The following RNF31 variants were observed in gnomAD, a reference collection of about 807,000 sequenced individuals.
RNF31 encodes ring finger protein 31, also known as E3 ubiquitin-protein ligase RNF31.
In RNF31, 38 loss-of-function variants were observed where a neutral mutation model predicts 133.6. The observed-to-expected ratio is 0.28, with a 90% CI of 0.22 to 0.37. The LOEUF is 0.37. RNF31 is among the 10% of genes least tolerant of loss of function. RNF31 has a pLI of 1.00. For synonymous variants in RNF31, 582 were observed against 552.3 expected (o/e 1.05, Z -0.75); for missense variants, 1,118 against 1,394.1 (o/e 0.80, Z 3.15).
Position 24,151,781 on chromosome 14 carries a change from T to A in RNF31, c.1924-5T>A. 6.2e-7 allele frequency: 1 copy of A among 1,606,992 alleles called. No homozygotes were observed. On this transcript the variant is annotated splice_polypyrimidine_tract_variant and splice_region_variant and intron_variant, in intron 10 of 20. Coordinates refer to ENST00000324103, the MANE Select transcript of RNF31 (RefSeq NM_017999.5). This position sits in a 1 kb window ranked among gnomAD's most constrained non-coding sequence, Gnocchi z 5.3. The stretch of plus-strand genomic sequence containing the variant: ...CTTCCCCCCTCCACCTGAATCATAT[T>A]GCAGAGCCTGGTCAGGCGGCTTTTG...
intron 14 of RNF31, among the ~76,000 whole-genome samples, chr14:24,156,771 T>A (rs1273691352): frequency 3.3e-5 from 5 of 149,410 alleles, no homozygotes; most frequent in Admixed American, 1.3e-4. Flanking sequence ...AGAGCGAGAC[T>A]CCATCTCAAA....
rs772542736 is a variant in RNF31 at position 24,151,400 on chromosome 14, G to A, written c.1737+21G>A. ...GGAAGGTATCAGCTGTGCTGGATAT[G>A]GGATAGGGTCGAGAGTCTGCATCTC... On this transcript the variant is annotated intron_variant, in intron 9 of 20. Coordinates refer to ENST00000324103, the MANE Select transcript of RNF31 (RefSeq NM_017999.5). This position sits in a 1 kb window ranked among gnomAD's most constrained non-coding sequence, Gnocchi z 5.3. 6.8e-6 allele frequency: 11 copies of A among 1,613,924 alleles called. No homozygotes were observed. The Admixed American group carries it at 1.8e-4, about 27-fold the overall frequency.
intron 17 of RNF31, 37 bp downstream of exon 17, chr14:24,158,048 G>T (rs2038373064): frequency 1.2e-6 from 2 of 1,610,588 alleles, no homozygotes; most frequent in East Asian, 4.5e-5. Context: ...ACAGGGCCCA[G>T]GGTGGGCAAG....
rs137991798 is a variant in RNF31, at chr14:24,159,162, A to G, written c.2900-702A>G. ...GAGTTCGTGACCAACCTGGCCAACAAGGTGAAACCCTGTCTCTACTAAAAA... is the reference window on the plus strand; with the variant it reads ...GAGTTCGTGACCAACCTGGCCAACAGGGTGAAACCCTGTCTCTACTAAAAA... On this transcript the variant is annotated intron_variant, in intron 18 of 20. Coordinates refer to ENST00000324103, the MANE Select transcript of RNF31 (RefSeq NM_017999.5). Among the ~76,000 whole-genome samples the G allele has an allele frequency of 4.2e-3, 631 of 151,314 alleles. 1 individual carries two copies. Among genetic ancestry groups the G allele is most frequent in the African/African-American group, 0.012 (504 of 41,170 alleles).
At position 24,149,560 on chromosome 14, in the gene RNF31, G is replaced by A. The variant is rs1243190256; in HGVS notation, c.786G>A (p.Leu262=). The A allele has an allele frequency of 6.2e-7, 1 of 1,614,016 alleles. No homozygotes were observed. The highest frequency in any genetic ancestry group is 1.1e-5 in the South Asian group (1 of 91,060). The change falls in exon 6 of 21, where the codon CTG becomes CTA. Residue 262 remains leucine (L), a synonymous_variant. Coordinates refer to ENST00000324103, the MANE Select transcript of RNF31 (RefSeq NM_017999.5). The stretch of plus-strand genomic sequence containing the variant: ...TCCGCCAGACCCTGCCTGGGGTCCT[G>A]CAGGGTACCCACCTGAGCCCCAGGT... ...HHLRQTLPGV[L]QGTHLSPSLP...
rs1460301138 is a variant in RNF31, at chr14:24,147,522, C to G, written c.-177C>G. The G allele has an allele frequency of 2.0e-6, 1 of 494,814 alleles. No individual in the cohort carries two copies. The highest frequency in any genetic ancestry group is 4.4e-5 in the Admixed American group (1 of 22,854). The allele number at this position is 494,814 out of a possible 1,614,324, so 30.7% of individuals were successfully genotyped here. A position where few individuals can be genotyped will look rare whatever the true frequency, so the allele number is the denominator to read the frequency against. On this transcript the variant is annotated 5_prime_UTR_variant, in exon 1 of 21. Coordinates refer to ENST00000324103, the MANE Select transcript of RNF31 (RefSeq NM_017999.5). ...CCTAGTACTTCCTGTTCTCGGCTAA[C>G]CCTGGCGCTGGGCCGGGGGCTGGAG... is the stretch of plus-strand genomic sequence containing the variant.
intron 7 of RNF31, 58 bp downstream of exon 7, chr14:24,150,506 C>T: frequency 6.3e-7 from 1 of 1,576,550 alleles, no homozygotes; most frequent in South Asian, 1.2e-5. Context: ...CTTCCCTATC[C>T]CATGTTTTCC....
At chr14:24,159,216 A>G (rs541911616) in intron 18 of RNF31, among the ~76,000 whole-genome samples, 223 of 147,318 alleles carry the variant, frequency 1.5e-3, no homozygotes, top group African/African-American at 5.2e-3. Context: ...GTGTGGTGGC[A>G]GGCACCTGTA....
intron 14 of RNF31, among the ~76,000 whole-genome samples, chr14:24,156,581 A>G (rs1397214199): frequency 6.6e-6 from 1 of 152,086 alleles, no homozygotes; most frequent in Non-Finnish European, 1.5e-5. Context: ...GGAGTTCAAG[A>G]CCAGCCTCCC....
rs200318503 is a variant in RNF31, at chr14:24,155,631, A to C, written c.2432A>C (p.Glu811Ala). ...QCSFGFIYEREQLEATCPQCH... is the reference protein window; with the variant it reads ...QCSFGFIYERAQLEATCPQCH... ...TCCTTTGGCTTCATATATGAGCGTG[A>C]GCAGCTGGAGGCAACTTGTCCCCAG... Residue 811 changes from glutamate (E) to alanine (A), a missense_variant, in exon 14 of 21, where the codon GAG becomes GCG. Around this residue, in one of 3 missense-constraint regions of RNF31, gnomAD observed 201 missense variants for 371.7 expected, o/e 0.54. Transcript: ENST00000324103. The surrounding 1 kb of genome is among the most constrained non-coding windows in gnomAD (Gnocchi z 4.9). 1.1e-4 allele frequency: 172 copies of C among 1,614,094 alleles called. No homozygotes were observed. Among genetic ancestry groups the C allele is most frequent in the Admixed American group, 1.7e-4 (10 of 60,002 alleles).
At position 24,148,676 on chromosome 14, in the gene RNF31, T is replaced by C. The variant is rs773747669; in HGVS notation, c.530T>C (p.Leu177Pro). The change falls in exon 4 of 21, where the codon CTG becomes CCG. Residue 177 changes from leucine to proline, a missense_variant. Physicochemically the swap from Leu to Pro is moderately conservative, Grantham distance 98. Around this residue, in one of 3 missense-constraint regions of RNF31, gnomAD observed 747 missense variants for 827.9 expected, o/e 0.90. Transcript: ENST00000324103. ...THPRQQALEQ[L>P]LEDKVEDDML... ...CCAAGACAGCAGGCACTGGAGCAGC[T>C]GTTGGAAGACAAGGTTGAAGATGAT... The C allele has an allele frequency of 6.2e-7, 1 of 1,614,200 alleles. No homozygotes were observed. The highest frequency in any genetic ancestry group is 8.5e-7 in the Non-Finnish European group (1 of 1,180,042).
At chr14:24,150,911 G>A (rs1226030199) in intron 8 of RNF31, 23 bp downstream of exon 8, 2 of 1,540,268 alleles carry the variant, frequency 1.3e-6, no homozygotes, top group East Asian at 2.3e-5. Flanking sequence ...CCTGCGATGA[G>A]GTAGGGCTGA....
At position 24,157,305 on chromosome 14, in the gene RNF31, C is replaced by T; in HGVS notation, c.2509C>T (p.Arg837Ter). The T allele has an allele frequency of 6.2e-7, 1 of 1,608,286 alleles. No individual in the cohort carries two copies. Among genetic ancestry groups the T allele is most frequent in the South Asian group, 1.1e-5 (1 of 90,766 alleles). Residue 837 changes from arginine to a stop codon, truncating the protein, a stop_gained, in exon 15 of 21, where the codon CGA (arginine) becomes TGA (stop). Coordinates refer to ENST00000324103, the MANE Select transcript of RNF31 (RefSeq NM_017999.5). LOFTEE classifies it high-confidence loss of function. ...RCKRQWEEQHRGRSCEDFQNW... is the reference protein window; with the variant it reads ...RCKRQWEEQH Reference sequence around the variant, plus strand: ...CCTCTGGCAGTGGGAGGAGCAGCACCGAGGTCGGAGCTGTGAGGACTTCCA... The same window carrying T: ...CCTCTGGCAGTGGGAGGAGCAGCACTGAGGTCGGAGCTGTGAGGACTTCCA...
In RNF31 at chr14:24,158,175, G is replaced by C. The variant is rs1187228974; in HGVS notation, c.2875G>C (p.Ala959Pro). Residue 959 changes from alanine to proline, a missense_variant, in exon 18 of 21, where the codon GCT becomes CCT. Physicochemically the swap from Ala to Pro is conservative, Grantham distance 27. Around this residue, in one of 3 missense-constraint regions of RNF31, gnomAD observed 170 missense variants for 194.5 expected, o/e 0.87. Transcript: ENST00000324103. ...NNVMFNTEPPAGARAVPGGGC... is the reference protein window; with the variant it reads ...NNVMFNTEPPPGARAVPGGGC... ...CGTCATGTTTAATACAGAGCCTCCA[G>C]CTGGGGCCCGGGCAGTCCCTGGAGG... is the stretch of plus-strand genomic sequence containing the variant. 1.2e-6 allele frequency: 2 copies of C among 1,614,246 alleles called. No homozygotes were observed. Among genetic ancestry groups the C allele is most frequent in the East Asian group, 2.2e-5 (1 of 44,886 alleles).
chr14:24,156,566 G>A (rs1594381881), intron 14 of RNF31, among the ~76,000 whole-genome samples: 1 of 152,278 alleles, frequency 6.6e-6, no homozygotes, highest in East Asian at 1.9e-4. Context: ...GATCACTTGA[G>A]GTTGGGAGTT....
chr14:24,151,221 G>C lies in RNF31; in HGVS notation c.1579G>C (p.Glu527Gln), dbSNP rs1358882911. Residue 527 changes from glutamate to glutamine, a missense_variant, in exon 9 of 21, where the codon GAA becomes CAA. Transcript: ENST00000324103. The surrounding 1 kb of genome is among the most constrained non-coding windows in gnomAD (Gnocchi z 5.3). ...TEVPLQWLRS[E>Q]LPYVLEMVAE... is the part of the protein sequence containing the mutation. ...GGTGCCTCTGCAGTGGTTGCGCTCA[G>C]AACTGCCCTACGTCCTGGAGATGGT... 2 of 1,614,076 alleles carry C rather than the reference G, an allele frequency of 1.2e-6. No homozygotes were observed. The highest frequency in any genetic ancestry group is 1.7e-6 in the Non-Finnish European group (2 of 1,180,050).
At chr14:24,157,256 A>T in intron 14 of RNF31, 34 bp from the exon 15 acceptor site, 1 of 1,509,538 alleles carries the variant, frequency 6.6e-7, no homozygotes, top group Non-Finnish European at 9.1e-7. Context: ...GATGGGATAG[A>T]GCTCCCATGT....
chr14:24,149,589 AG>A lies in RNF31; in HGVS notation c.809+9del. On this transcript the variant is annotated splice_region_variant and intron_variant, in intron 6 of 20. Transcript: ENST00000324103. The stretch of plus-strand genomic sequence containing the variant: ...GGTACCCACCTGAGCCCCAGGTGAG[AG>A]GGCTTCTCTTCTGGGTGGGAGTGAA... The A allele has an allele frequency of 6.2e-7, 1 of 1,610,444 alleles. No individual in the cohort carries two copies. The highest frequency in any genetic ancestry group is 8.5e-7 in the Non-Finnish European group (1 of 1,178,104).
rs957153721 is a variant in RNF31 at position 24,157,975 on chromosome 14, G to A, written c.2805G>A (p.Arg935=). The change falls in exon 17 of 21, where the codon CGG becomes CGA. Residue 935 remains arginine, a synonymous_variant. Transcript: ENST00000324103. ...CTCGAGACTGCCTCTTCTACCTGCG[G>A]GACTGGACTGCTCTCCGGCTTCAGA... ...HHPRDCLFYL[R]DWTALRLQKL... 1.2e-6 allele frequency: 2 copies of A among 1,614,044 alleles called. No individual in the cohort carries two copies. Among genetic ancestry groups the A allele is most frequent in the African/African-American group, 2.7e-5 (2 of 74,940 alleles).
Sources: gnomAD v4.1 joint callset for allele counts (sites outside exome capture counted in the v4.1 genomes callset) on GRCh38, gnomAD v4.1.1 for gene constraint, gnomAD v4.1.1 regional missense constraint, Gnocchi (gnomAD v3.1) non-coding constraint, MANE v1.5 for transcripts, NCBI Gene and HGNC (gene_info 2026-07-23, HGNC 2026-07-21) for gene names.